Variants in PARP16 observed in about 807,000 individuals in gnomAD.
PARP16 encodes the protein protein mono-ADP-ribosyltransferase PARP16.
In PARP16, 31 loss-of-function variants were observed where a neutral mutation model predicts 35.0. The ratio of observed to expected loss-of-function variants is 0.88; its 90% CI spans 0.66 to 1.19. PARP16 has a LOEUF of 1.19. Ranked by LOEUF, PARP16 falls within the 50% of genes most tolerant of loss-of-function variation. PARP16 has a pLI of 0.00. For missense variants in PARP16, 424 were observed against 411.2 expected, an observed-to-expected ratio of 1.03 and a Z score of -0.27; for synonymous variants, 162 against 169.5, an observed-to-expected ratio of 0.96 and a Z score of 0.34.
chr15:65,256,703 G>A (rs536758549), downstream of PARP16, among the ~76,000 whole-genome samples: 61 of 152,096 alleles, frequency 4.0e-4, no homozygotes, highest in African/African-American at 1.2e-3. Flanking sequence ...CACCGCGCCC[G>A]GCCGCCCACA....
At chr15:65,262,321 G>A (rs980665676) in intron 4 of PARP16, among the ~76,000 whole-genome samples, 22 of 152,028 alleles carry the variant, frequency 1.4e-4, no homozygotes, top group African/African-American at 4.3e-4. Context: ...TAGTAGAGAA[G>A]AGGTTTCACC....
At chr15:65,240,657 A>T (rs1323076391) in intron 3 of PARP16, among the ~76,000 whole-genome samples, 2 of 152,192 alleles carry the variant, frequency 1.3e-5, no homozygotes, top group East Asian at 3.9e-4. Context: ...TCACTTGATG[A>T]TGAACATTTG....
intron 1 of PARP16, among the ~76,000 whole-genome samples, chr15:65,280,610 A>C (rs547979979): frequency 6.6e-6 from 1 of 152,304 alleles, no homozygotes; most frequent in South Asian, 2.1e-4. Flanking sequence ...AGGACTCCTA[A>C]CTGCTAGGGA....
intron 3 of PARP16, among the ~76,000 whole-genome samples, chr15:65,243,153 C>T (rs1567009992): frequency 6.6e-6 from 1 of 152,238 alleles, no homozygotes; most frequent in East Asian, 1.9e-4. Flanking sequence ...TTGACTAGGA[C>T]CCCCAGTATA....
chr15:65,286,320 C>A lies in PARP16; in HGVS notation c.107G>T (p.Arg36Leu). Reference sequence around the variant, plus strand: ...GGGGAAGGGCCGCAGCACCGAGTCGCGCTTGTAGCTCTGCAGGGCCGAGGC... The same window carrying A: ...GGGGAAGGGCCGCAGCACCGAGTCGAGCTTGTAGCTCTGCAGGGCCGAGGC... Reference protein sequence around the residue: ...LFASALQSYKRDSVLRPFPAS... With the variant: ...LFASALQSYKLDSVLRPFPAS... Residue 36 changes from arginine (R) to leucine (L), a missense_variant, in exon 1 of 6, where the codon CGC becomes CTC. Arg to Leu is a moderately radical substitution (Grantham distance 102). Coordinates refer to ENST00000649807, the MANE Select transcript of PARP16 (RefSeq NM_001316943.2). The A allele has an allele frequency of 3.1e-6, 5 of 1,604,496 alleles. No individual in the cohort carries two copies. Among genetic ancestry groups the A allele is most frequent in the Non-Finnish European group, 4.2e-6 (5 of 1,176,770 alleles).
At chr15:65,270,378 G>A (rs2090055498) in intron 2 of PARP16, among the ~76,000 whole-genome samples, 1 of 152,154 alleles carries the variant, frequency 6.6e-6, no homozygotes, top group African/African-American at 2.4e-5. Flanking sequence ...AAAAAAGGAG[G>A]CCCTTTTCGA....
At chr15:65,239,458 G>GAGAA (rs2088984939) in intron 3 of PARP16, among the ~76,000 whole-genome samples, 1 of 62,538 alleles carries the variant, frequency 1.6e-5, no homozygotes, top group Non-Finnish European at 3.3e-5. Flanking sequence ...AAAAAAGAGA[G>GAGAA]AAAAGAAAAA....
chr15:65,253,179 T>C (rs2089405985), downstream of PARP16, among the ~76,000 whole-genome samples: 1 of 150,712 alleles, frequency 6.6e-6, no homozygotes, highest in South Asian at 2.1e-4. Flanking sequence ...TGCAAGACAC[T>C]GTCCTTTCCA....
chr15:65,264,070 G>A lies in PARP16; in HGVS notation c.520-750C>T, dbSNP rs1309694665. The stretch of plus-strand genomic sequence containing the variant: ...AAACTATAACAAAATGAGGGAGGCC[G>A]ACATGCGGGGCAAGGTACGTTTTAC... On this transcript the variant is annotated intron_variant, in intron 3 of 5. Transcript: ENST00000649807. Among the ~76,000 whole-genome samples, 9 of 152,188 alleles carry A rather than the reference G, an allele frequency of 5.9e-5. No individual in the cohort carries two copies. The East Asian group carries it at 1.7e-3, about 29-fold the overall frequency.
chr15:65,253,826 T>A (rs1464162753), downstream of PARP16, among the ~76,000 whole-genome samples: 1 of 151,752 alleles, frequency 6.6e-6, no homozygotes, highest in Non-Finnish European at 1.5e-5. Flanking sequence ...GAAACCAGAT[T>A]TGTTTTTTTT....
intron 1 of PARP16, among the ~76,000 whole-genome samples, chr15:65,276,963 CAA>C (rs1485215490): frequency 6.7e-6 from 1 of 148,172 alleles, no homozygotes; most frequent in Non-Finnish European, 1.5e-5. Context: ...ACCTGGGCAA[CAA>C]GAGTCAAACT....
At chr15:65,260,809 G>A (rs1193222214) in intron 5 of PARP16, 76 bp downstream of exon 5, 3 of 1,365,924 alleles carry the variant, frequency 2.2e-6, no homozygotes, top group Non-Finnish European at 2.1e-6. Flanking sequence ...GGCTGGGGGA[G>A]GGGAGGCTGA....
At chr15:65,255,629 C>T (rs2089478591), downstream of PARP16, among the ~76,000 whole-genome samples, 1 of 150,860 alleles carries the variant, frequency 6.6e-6, no homozygotes, top group Non-Finnish European at 1.5e-5. Context: ...AGGGCAAGAC[C>T]ATTCTTTATG....
At chr15:65,285,966 T>A (rs2090580795) in intron 1 of PARP16, among the ~76,000 whole-genome samples, 1 of 152,150 alleles carries the variant, frequency 6.6e-6, no homozygotes, top group Non-Finnish European at 1.5e-5. Flanking sequence ...GGCTAGAAAA[T>A]CTGTGGAGGA....
intron 2 of PARP16, among the ~76,000 whole-genome samples, chr15:65,251,288 C>A (rs2089351333): frequency 6.6e-6 from 1 of 152,162 alleles, no homozygotes; most frequent in African/African-American, 2.4e-5. Context: ...GGAATTCACA[C>A]CTTTCTATAG....
rs748074129 is a variant in PARP16, at chr15:65,286,226, G to A, written c.174+27C>T. 1.3e-5 allele frequency: 19 copies of A among 1,518,962 alleles called. No individual in the cohort carries two copies. The East Asian group carries it at 4.3e-4, about 34-fold the overall frequency. 94.1% of individuals were successfully genotyped at this position (1,518,962 alleles called of 1,614,324 possible). ...AGGGCACTTGGTCCAGGACGCAGTGGGCAGCGCCAGGACAAAGCACACTCA... is the reference window on the plus strand; with the variant it reads ...AGGGCACTTGGTCCAGGACGCAGTGAGCAGCGCCAGGACAAAGCACACTCA... On this transcript the variant is annotated intron_variant, in intron 1 of 5. Transcript: ENST00000649807.
Position 65,286,310 on chromosome 15 carries a change from C to T in PARP16, c.117G>A (p.Val39=). Residue 39 remains valine, a synonymous_variant, in exon 1 of 6, where the codon GTG becomes GTA. Transcript: ENST00000649807. ...CGTAGGACGCGGGGAAGGGCCGCAGCACCGAGTCGCGCTTGTAGCTCTGCA... is the reference window on the plus strand; with the variant it reads ...CGTAGGACGCGGGGAAGGGCCGCAGTACCGAGTCGCGCTTGTAGCTCTGCA... The part of the protein sequence containing the change: ...SALQSYKRDS[V]LRPFPASYAR... The T allele has an allele frequency of 6.2e-7, 1 of 1,604,360 alleles. No homozygotes were observed. The highest frequency in any genetic ancestry group is 8.5e-7 in the Non-Finnish European group (1 of 1,176,674).
Position 65,275,297 on chromosome 15 carries a change from G to C in PARP16, c.175-4225C>G, listed in dbSNP as rs528812115. On this transcript the variant is annotated intron_variant, in intron 1 of 5. Coordinates refer to ENST00000649807, the MANE Select transcript of PARP16 (RefSeq NM_001316943.2). The stretch of plus-strand genomic sequence containing the variant: ...GAAACCACAGAAGTATAAAAGCGCA[G>C]CATGTAGCTGGGGAAGTGGGTGGTG... 2.0e-5 allele frequency among the ~76,000 whole-genome samples: 3 copies of C among 152,312 alleles called. No homozygotes were observed. In the South Asian group the frequency reaches 6.2e-4, roughly 32 times the overall value.
At position 65,258,272 on chromosome 15, in the gene PARP16, A is replaced by G. The variant is rs992623351; in HGVS notation, c.*1135T>C. The G allele has an allele frequency of 2.0e-5, 3 of 152,246 alleles. No homozygotes were observed. The highest frequency in any genetic ancestry group is 2.9e-5 in the Non-Finnish European group (2 of 68,054). The allele number at this position is 152,246 out of a possible 1,614,324, so 9.4% of individuals were successfully genotyped here. ...CTATTATGGCTAAAACCCAGCAGGAAGAAGGGAGCAGAGAATACAGCAAGC... is the reference window on the plus strand; with the variant it reads ...CTATTATGGCTAAAACCCAGCAGGAGGAAGGGAGCAGAGAATACAGCAAGC... On this transcript the variant is annotated 3_prime_UTR_variant, in exon 6 of 6. Coordinates refer to ENST00000649807, the MANE Select transcript of PARP16 (RefSeq NM_001316943.2).
Sources: allele counts gnomAD v4.1 joint callset (sites outside exome capture counted in the v4.1 genomes callset), GRCh38; gene constraint gnomAD v4.1.1; transcripts MANE v1.5; gene names NCBI Gene and HGNC (gene_info 2026-07-23, HGNC 2026-07-21).